ARHGAP32: variants seen among roughly 807,000 people sequenced by gnomAD.
ARHGAP32 encodes the protein rho GTPase-activating protein 32.
In ARHGAP32, 51 loss-of-function variants were observed where a neutral mutation model predicts 186.5. The ratio of observed to expected loss-of-function variants is 0.27; its 90% CI spans 0.22 to 0.35. The LOEUF is 0.35. Ranked by LOEUF, ARHGAP32 falls within the 10% of genes least tolerant of loss-of-function variation. The pLI is 1.00. For synonymous variants in ARHGAP32, 950 were observed against 964.3 expected, an observed-to-expected ratio of 0.99 and a Z score of 0.27; for missense variants, 2,186 against 2,623.5, an observed-to-expected ratio of 0.83 and a Z score of 3.64.
At chr11:129,112,826 T>A (rs1405821469) in intron 5 of ARHGAP32, among the ~76,000 whole-genome samples, 1 of 152,188 alleles carries the variant, frequency 6.6e-6, no homozygotes, top group Non-Finnish European at 1.5e-5. Context: ...AATCATATTA[T>A]AGTCTATAAG....
intron 12 of ARHGAP32, among the ~76,000 whole-genome samples, chr11:128,997,200 G>A (rs1317360964): frequency 6.6e-6 from 1 of 152,004 alleles, no homozygotes; most frequent in South Asian, 2.1e-4. Flanking sequence ...TGTGCATTTA[G>A]TTGCAAAAGT....
Position 129,270,480 on chromosome 11 carries a change from A to C in ARHGAP32, c.-5+8666T>G, listed in dbSNP as rs1334503218. ...TTTGTCCAAATCCATAGAAGGTACA[A>C]CACCAAGAGTCAGTCTTTTTTTTTT... On this transcript the variant is annotated intron_variant, in intron 1 of 6. Transcript: ENST00000525234. Among the ~76,000 whole-genome samples, 3 of 152,186 alleles carry C rather than the reference A, an allele frequency of 2.0e-5. No homozygotes were observed. In the East Asian group the frequency reaches 5.8e-4, roughly 29 times the overall value.
At chr11:129,235,404 A>G (rs1944915643) in intron 1 of ARHGAP32, among the ~76,000 whole-genome samples, 1 of 152,186 alleles carries the variant, frequency 6.6e-6, no homozygotes, top group Admixed American at 6.5e-5. Flanking sequence ...CTTAGGTACT[A>G]TATGTATAAA....
chr11:129,231,735 T>A (rs1302678702), intron 1 of ARHGAP32, among the ~76,000 whole-genome samples: 2 of 152,078 alleles, frequency 1.3e-5, no homozygotes, highest in Non-Finnish European at 2.9e-5. Flanking sequence ...TAGAGTCAGC[T>A]AAGGCCTTTC....
At chr11:129,128,644 G>T (rs1591637305) in intron 2 of ARHGAP32, among the ~76,000 whole-genome samples, 2 of 150,588 alleles carry the variant, frequency 1.3e-5, no homozygotes, top group African/African-American at 4.9e-5. Flanking sequence ...GCCGAGGCTG[G>T]ACTGTACTGC....
chr11:129,204,596 A>G (rs758667139), intron 1 of ARHGAP32, among the ~76,000 whole-genome samples: 16 of 152,134 alleles, frequency 1.1e-4, no homozygotes, highest in Non-Finnish European at 2.2e-4. Flanking sequence ...CTCTGCTTTG[A>G]AGTTGGTTTG....
At chr11:129,013,783 G>C (rs1938203271) in intron 11 of ARHGAP32, among the ~76,000 whole-genome samples, 1 of 152,126 alleles carries the variant, frequency 6.6e-6, no homozygotes, top group African/African-American at 2.4e-5. Context: ...TGGGACACAA[G>C]CACTGATCCC....
intron 5 of ARHGAP32, among the ~76,000 whole-genome samples, chr11:129,101,385 T>TA (rs566545293): frequency 7.9e-5 from 12 of 152,056 alleles, no homozygotes; most frequent in Non-Finnish European, 1.8e-4. Flanking sequence ...GAATTCAGAA[T>TA]ATGCATAGGA....
chr11:129,104,965 C>A lies in ARHGAP32; in HGVS notation c.445-11258G>T, dbSNP rs536789302. ...CTTAATGATGCCAACCCTCACCGGGCCTGAAAGGAATAGACAGACCCTATT... is the reference window on the plus strand; with the variant it reads ...CTTAATGATGCCAACCCTCACCGGGACTGAAAGGAATAGACAGACCCTATT... On this transcript the variant is annotated intron_variant, in intron 5 of 22. Transcript: ENST00000682385. Among the ~76,000 whole-genome samples the A allele has an allele frequency of 1.7e-4, 26 of 152,266 alleles. No homozygotes were observed. In the South Asian group the frequency reaches 5.0e-3, roughly 29 times the overall value.
intron 10 of ARHGAP32, among the ~76,000 whole-genome samples, chr11:129,059,776 G>T: frequency 6.6e-6 from 1 of 152,040 alleles, no homozygotes; most frequent in Admixed American, 6.5e-5. Flanking sequence ...GGGATTACAG[G>T]TGTAAGCCAC....
In ARHGAP32 at chr11:128,973,053, T is replaced by G; in HGVS notation, c.3453A>C (p.Glu1151Asp). The change falls in exon 22 of 23, where the codon GAA (glutamate) becomes GAC (aspartate). Residue 1151 changes from glutamate to aspartate, a missense_variant. Physicochemically the swap from Glu to Asp is conservative, Grantham distance 45. Around this residue, in one of 5 missense-constraint regions of ARHGAP32, gnomAD observed 1,502 missense variants for 1,570.0 expected, o/e 0.96. Transcript: ENST00000682385. ...TGDPTHSNTT[E>D]SGEQHHQVDL... ...CTACTTGGTGATGTTGCTCCCCAGA[T>G]TCAGTTGTGTTGGAATGGGTAGGAT... 1 of 1,614,144 alleles carries G rather than the reference T, an allele frequency of 6.2e-7. No homozygotes were observed. Among genetic ancestry groups the G allele is most frequent in the South Asian group, 1.1e-5 (1 of 91,084 alleles).
chr11:129,228,230 A>G (rs1944811184), intron 1 of ARHGAP32, among the ~76,000 whole-genome samples: 1 of 152,222 alleles, frequency 6.6e-6, no homozygotes, highest in South Asian at 2.1e-4. Flanking sequence ...AGCCACACTT[A>G]GAGGAAATGT....
intron 22 of ARHGAP32, chr11:128,971,799 T>C (rs1945382608): frequency 6.6e-6 from 1 of 152,240 alleles, no homozygotes. Context: ...AAGGTGACCA[T>C]ATAGAAGAAA....
chr11:129,232,625 A>G (rs994241649), intron 1 of ARHGAP32, among the ~76,000 whole-genome samples: 1 of 152,188 alleles, frequency 6.6e-6, no homozygotes. Flanking sequence ...CATAAAAAAA[A>G]AGGTGTCAGC....
rs541916594 is a variant in ARHGAP32, at chr11:129,182,407, G to A, written c.116+9676C>T. Among the ~76,000 whole-genome samples the A allele has an allele frequency of 2.6e-3, 399 of 152,068 alleles. 1 individual carries two copies. The highest frequency in any genetic ancestry group is 8.7e-3 in the African/African-American group (361 of 41,506). On this transcript the variant is annotated intron_variant, in intron 1 of 22. Transcript: ENST00000682385. ...GAGATTAATCCTTCATCTGTAATAT[G>A]AGTTTCAGGTATTTTTCCCAGGTCG...
In ARHGAP32 at chr11:128,981,485, C is replaced by G; in HGVS notation, c.1711G>C (p.Glu571Gln). 6.2e-7 allele frequency: 1 copy of G among 1,613,978 alleles called. No individual in the cohort carries two copies. The highest frequency in any genetic ancestry group is 8.5e-7 in the Non-Finnish European group (1 of 1,179,892). Residue 571 changes from glutamate to glutamine, a missense_variant, in exon 17 of 23, where the codon GAG becomes CAG. Transcript: ENST00000682385. ...MEVRIQSVVV[E>Q]FILNHVDVLF... ...ACATCAACGTGATTCAGGATGAACTCAACAACCACAGACTGAATCCTCACT... is the reference window on the plus strand; with the variant it reads ...ACATCAACGTGATTCAGGATGAACTGAACAACCACAGACTGAATCCTCACT...
intron 18 of ARHGAP32, among the ~76,000 whole-genome samples, chr11:128,979,453 G>A (rs1468652034): frequency 6.6e-6 from 1 of 152,134 alleles, no homozygotes; most frequent in Admixed American, 6.5e-5. Flanking sequence ...ATGACACTAA[G>A]AAGTTCAAAT....
rs554707458 is a variant in ARHGAP32, at chr11:129,092,496, T to C, written c.531+1125A>G. Among the ~76,000 whole-genome samples, 206 of 152,110 alleles carry C rather than the reference T, an allele frequency of 1.4e-3. 1 individual carries two copies. Among genetic ancestry groups the C allele is most frequent in the Middle Eastern group, 3.4e-3 (1 of 294 alleles). On this transcript the variant is annotated intron_variant, in intron 6 of 22. Transcript: ENST00000682385. ...TAACTCACCAAATGGAAGCATTTTA[T>C]GAAATATGACATGAAACTTAGTAAT... is the stretch of plus-strand genomic sequence containing the variant.
At chr11:129,143,072 C>CATATATATATATAT (rs145242519) in intron 2 of ARHGAP32, among the ~76,000 whole-genome samples, 1,141 of 112,424 alleles carry the variant, frequency 0.01, 48 homozygotes, top group East Asian at 0.021. Flanking sequence ...GGTAAAACTG[C>CATATATATATATAT]ATATATATAT....
Sources: allele counts gnomAD v4.1 joint callset (sites outside exome capture counted in the v4.1 genomes callset), GRCh38; gene constraint gnomAD v4.1.1; regional missense constraint gnomAD v4.1.1; transcripts MANE v1.5; gene names NCBI Gene and HGNC (gene_info 2026-07-23, HGNC 2026-07-21).